Variants in IQCM observed in about 807,000 individuals in gnomAD.
The protein encoded by IQCM is IQ motif containing M, also known as IQ domain-containing protein M.
IQCM carries 45 observed loss-of-function variants against 57.6 expected under a neutral mutation model. The ratio of observed to expected loss-of-function variants is 0.78; its 90% CI spans 0.62 to 1.00. The LOEUF is 1.00. Among genes scored for constraint, IQCM ranks in the 50% least tolerant of loss-of-function variants. The pLI, the probability that IQCM is intolerant of heterozygous loss-of-function variation, is 0.00. For missense variants in IQCM, 468 were observed against 511.6 expected (o/e 0.91, Z 0.82); for synonymous variants, 148 against 158.9 (o/e 0.93, Z 0.51).
intron 2 of IQCM, among the ~76,000 whole-genome samples, chr4:149,810,596 C>T (rs1209633497): frequency 6.6e-6 from 1 of 151,690 alleles, no homozygotes; most frequent in Non-Finnish European, 1.5e-5. Context: ...ATTAAAGGCA[C>T]GTGCCACCAC....
intron 12 of IQCM, among the ~76,000 whole-genome samples, chr4:149,530,889 AG>A (rs2149851406): frequency 6.7e-6 from 1 of 149,616 alleles, no homozygotes; most frequent in Non-Finnish European, 1.5e-5. Context: ...AGAGAAATAG[AG>A]AGGCACAGAT....
chr4:149,720,848 G>A (rs551958289), intron 5 of IQCM, among the ~76,000 whole-genome samples: 261 of 152,260 alleles, frequency 1.7e-3, no homozygotes, highest in African/African-American at 5.2e-3. Flanking sequence ...TGCATGGAGA[G>A]ATATTAGTAT....
chr4:149,578,785 T>C (rs987496322), intron 9 of IQCM, among the ~76,000 whole-genome samples: 2 of 151,884 alleles, frequency 1.3e-5, no homozygotes, highest in Admixed American at 6.6e-5. Context: ...TATCAGGGAC[T>C]ACCATTTCCA....
chr4:149,487,433 G>T (rs1741641552), intron 12 of IQCM, among the ~76,000 whole-genome samples: 1 of 152,168 alleles, frequency 6.6e-6, no homozygotes, highest in South Asian at 2.1e-4. Flanking sequence ...GGCTGTGCCA[G>T]TTGGTGTCTC....
chr4:149,667,366 CAGAA>C (rs1278584681), intron 7 of IQCM, among the ~76,000 whole-genome samples: 4 of 152,236 alleles, frequency 2.6e-5, no homozygotes, highest in African/African-American at 9.6e-5. Context: ...AACTAACAAA[CAGAA>C]AGGAAGAGCA....
intron 5 of IQCM, among the ~76,000 whole-genome samples, chr4:149,716,089 C>A (rs144229601): frequency 6.6e-6 from 1 of 152,324 alleles, no homozygotes; most frequent in Non-Finnish European, 1.5e-5. Flanking sequence ...TCACTGGGAT[C>A]TGCCCCTTTC....
chr4:149,377,709 T>C (rs1016998811), intron 13 of IQCM, among the ~76,000 whole-genome samples: 2 of 152,190 alleles, frequency 1.3e-5, no homozygotes, highest in Non-Finnish European at 2.9e-5. Flanking sequence ...TGATGTGCTA[T>C]ACTAGCAAGA....
chr4:149,382,207 T>C (rs1731129373), intron 13 of IQCM, among the ~76,000 whole-genome samples: 1 of 152,164 alleles, frequency 6.6e-6, no homozygotes, highest in South Asian at 2.1e-4. Context: ...GTGCCTGGCA[T>C]ACAGTAGATG....
chr4:149,621,384 C>G (rs1309080320), intron 7 of IQCM, 140 bp from the exon 8 acceptor site: 1 of 404,014 alleles, frequency 2.5e-6, no homozygotes, highest in Non-Finnish European at 4.3e-6. Context: ...ATCTTGTCAT[C>G]TAATCGTAGA....
chr4:149,565,366 G>A (rs905961352), intron 9 of IQCM, among the ~76,000 whole-genome samples: 2 of 152,154 alleles, frequency 1.3e-5, no homozygotes, highest in Non-Finnish European at 2.9e-5. Flanking sequence ...ACTGAAATGT[G>A]GAGTATGATT....
At chr4:149,404,986 T>C (rs965390336) in intron 13 of IQCM, among the ~76,000 whole-genome samples, 1 of 152,070 alleles carries the variant, frequency 6.6e-6, no homozygotes, top group South Asian at 2.1e-4. Flanking sequence ...TTTCCCATTA[T>C]GGAGAAGCAA....
At chr4:149,680,284 G>GAT (rs2150200373) in intron 7 of IQCM, among the ~76,000 whole-genome samples, 1 of 151,342 alleles carries the variant, frequency 6.6e-6, no homozygotes, top group South Asian at 2.1e-4. Flanking sequence ...TATGAGTATT[G>GAT]AGATACTTAT....
At chr4:149,577,856 G>C (rs777100487) in intron 9 of IQCM, among the ~76,000 whole-genome samples, 1 of 151,366 alleles carries the variant, frequency 6.6e-6, no homozygotes, top group Non-Finnish European at 1.5e-5. Context: ...CTTCCTATTA[G>C]TAAGCATGTT....
At chr4:149,560,199 A>G (rs190952974) in intron 10 of IQCM, among the ~76,000 whole-genome samples, 1 of 152,306 alleles carries the variant, frequency 6.6e-6, no homozygotes, top group East Asian at 1.9e-4. Context: ...GGAAATTCCT[A>G]CTTTATCAAA....
At chr4:149,507,208 C>T (rs771557580) in intron 12 of IQCM, among the ~76,000 whole-genome samples, 5 of 152,114 alleles carry the variant, frequency 3.3e-5, no homozygotes, top group African/African-American at 1.2e-4. Flanking sequence ...CTTGGGTATG[C>T]CTTTATCAGC....
At chr4:149,658,502 T>A (rs749969467) in intron 7 of IQCM, among the ~76,000 whole-genome samples, 1 of 152,250 alleles carries the variant, frequency 6.6e-6, no homozygotes, top group African/African-American at 2.4e-5. Flanking sequence ...CGTGGTTCCA[T>A]AAGAATTTTA....
chr4:149,377,069 T>A (rs1440280572), intron 13 of IQCM, among the ~76,000 whole-genome samples: 1 of 152,120 alleles, frequency 6.6e-6, no homozygotes, highest in Non-Finnish European at 1.5e-5. Context: ...TTATAGACCA[T>A]TCTTTTTCTC....
intron 9 of IQCM, among the ~76,000 whole-genome samples, chr4:149,571,759 T>C (rs1751184592): frequency 6.6e-6 from 1 of 152,044 alleles, no homozygotes; most frequent in Non-Finnish European, 1.5e-5. Context: ...TACATACAAT[T>C]TTGTCTGTAA....
intron 2 of IQCM, among the ~76,000 whole-genome samples, chr4:149,800,698 C>T (rs1432156406): frequency 6.6e-6 from 1 of 151,844 alleles, no homozygotes; most frequent in Admixed American, 6.6e-5. Context: ...TATATGCCAA[C>T]AGAGAGCAAT....
Sources: allele counts gnomAD v4.1 joint callset (sites outside exome capture counted in the v4.1 genomes callset), GRCh38; gene constraint gnomAD v4.1.1; transcripts MANE v1.5; gene names NCBI Gene and HGNC (gene_info 2026-07-23, HGNC 2026-07-21).